The following GALNT10 variants were observed in gnomAD, a reference collection of about 807,000 sequenced individuals.
GALNT10 encodes polypeptide N-acetylgalactosaminyltransferase 10.
A neutral mutation model predicts 75.0 loss-of-function variants in GALNT10; 41 were observed. The ratio of observed to expected loss-of-function variants is 0.55; its 90% confidence interval spans 0.43 to 0.71. GALNT10 has a LOEUF of 0.71. Among genes scored for constraint, GALNT10 ranks in the 30% least tolerant of loss-of-function variants. GALNT10 has a pLI of 0.00. For synonymous variants in GALNT10, 302 were observed against 313.0 expected (o/e 0.96, Z 0.37); for missense variants, 727 against 818.5 (o/e 0.89, Z 1.36).
intron 1 of GALNT10, among the ~76,000 whole-genome samples, chr5:154,269,062 T>C (rs1282430869): frequency 1.1e-5 from 1 of 89,744 alleles, no homozygotes; most frequent in East Asian, 2.4e-4. Flanking sequence ...CTCAGCTCAC[T>C]GCAATCTCCA....
intron 4 of GALNT10, among the ~76,000 whole-genome samples, chr5:154,367,509 C>A (rs965963141): frequency 6.6e-6 from 1 of 152,122 alleles, no homozygotes; most frequent in African/African-American, 2.4e-5. Context: ...AGCACCCACC[C>A]GCTCGCAGGT....
chr5:154,264,901 C>T (rs1439765256), intron 1 of GALNT10, among the ~76,000 whole-genome samples: 1 of 152,198 alleles, frequency 6.6e-6, no homozygotes, highest in East Asian at 1.9e-4. Flanking sequence ...TTCATGCCAA[C>T]TGTCAAAAGA....
chr5:154,351,650 A>C (rs7733050), intron 4 of GALNT10, among the ~76,000 whole-genome samples: 31,959 of 152,034 alleles, frequency 0.21, 4,244 homozygotes, highest in African/African-American at 0.38. Context: ...CACAGTCCAG[A>C]TTGACTTTGC....
chr5:154,202,117 G>C (rs939266037), intron 1 of GALNT10, among the ~76,000 whole-genome samples: 3 of 152,170 alleles, frequency 2.0e-5, no homozygotes, highest in African/African-American at 7.2e-5. Flanking sequence ...TCCCTGGTCT[G>C]AGGGGACCTC....
At chr5:154,309,607 G>A (rs549117129) in intron 3 of GALNT10, among the ~76,000 whole-genome samples, 3 of 152,238 alleles carry the variant, frequency 2.0e-5, no homozygotes, top group East Asian at 3.9e-4. Flanking sequence ...TGGAGATGGA[G>A]GTGCCAGGAT....
intron 4 of GALNT10, chr5:154,329,971 A>AAAC (rs1554098973): frequency 4.9e-5 from 18 of 366,904 alleles, no homozygotes; most frequent in African/African-American, 3.1e-4. Flanking sequence ...CAAAAAAAAA[A>AAAC]AAAAAACAGA....
At chr5:154,347,514 C>T (rs1458071058) in intron 4 of GALNT10, among the ~76,000 whole-genome samples, 1 of 151,884 alleles carries the variant, frequency 6.6e-6, no homozygotes, top group Non-Finnish European at 1.5e-5. Context: ...AGGCATGCAC[C>T]ACCACACCCA....
At chr5:154,241,457 A>G (rs551951979) in intron 1 of GALNT10, among the ~76,000 whole-genome samples, 1 of 152,236 alleles carries the variant, frequency 6.6e-6, no homozygotes, top group Non-Finnish European at 1.5e-5. Context: ...GTTGCATTGC[A>G]TATATCTGTT....
At position 154,297,979 on chromosome 5, in the gene GALNT10, G is replaced by C. The variant is rs759683121; in HGVS notation, c.301G>C (p.Ala101Pro). Reference sequence around the variant, plus strand: ...AGGAAGACCTTACCCCATGACCGATGCTGAGAGAGTGGATCAGGCATACCG... The same window carrying C: ...AGGAAGACCTTACCCCATGACCGATCCTGAGAGAGTGGATCAGGCATACCG... ...EQGRPYPMTDAERVDQAYREN... is the reference protein window; with the variant it reads ...EQGRPYPMTDPERVDQAYREN... Residue 101 changes from alanine (A) to proline (P), a missense_variant, in exon 3 of 12, where the codon GCT (alanine) becomes CCT (proline). Coordinates refer to ENST00000297107, the MANE Select transcript of GALNT10 (RefSeq NM_198321.4). 2.5e-6 allele frequency: 4 copies of C among 1,613,830 alleles called. No individual in the cohort carries two copies. The East Asian group carries it at 8.9e-5, about 36-fold the overall frequency.
At chr5:154,334,420 T>G (rs1006036421) in intron 4 of GALNT10, among the ~76,000 whole-genome samples, 1 of 152,230 alleles carries the variant, frequency 6.6e-6, no homozygotes, top group Non-Finnish European at 1.5e-5. Context: ...TTTTTGCACA[T>G]GTGGAAGGGA....
In GALNT10 at chr5:154,410,392, A is replaced by AG. The variant is rs202150113; in HGVS notation, c.1386+630_1386+631insG. On this transcript the variant is annotated intron_variant, in intron 9 of 11. Transcript: ENST00000297107. ...CCTGTCTCTACAAAAAAAAAAAAAA[A>AG]AAAGAAAAAATTAGCCAGGCGTAAT... 9.3e-3 allele frequency among the ~76,000 whole-genome samples: 1,405 copies of AG among 151,584 alleles called. 18 individuals carry two copies. The highest frequency in any genetic ancestry group is 0.012 in the Non-Finnish European group (784 of 67,888).
Position 154,208,726 on chromosome 5 carries a change from C to T in GALNT10, c.159+17701C>T, listed in dbSNP as rs111715927. Reference sequence around the variant, plus strand: ...GTTCAGTCAGGACAGAGAAACCACACAGTGATTTGAACACAGGAAGTTTAA... The same window carrying T: ...GTTCAGTCAGGACAGAGAAACCACATAGTGATTTGAACACAGGAAGTTTAA... On this transcript the variant is annotated intron_variant, in intron 1 of 11. Coordinates refer to ENST00000297107, the MANE Select transcript of GALNT10 (RefSeq NM_198321.4). Among the ~76,000 whole-genome samples, 1,190 of 152,200 alleles carry T rather than the reference C, an allele frequency of 7.8e-3. 22 individuals carry two copies. The highest frequency in any genetic ancestry group is 0.027 in the African/African-American group (1,122 of 41,518).
chr5:154,305,414 AG>A (rs1222892428), intron 3 of GALNT10, among the ~76,000 whole-genome samples: 1 of 152,216 alleles, frequency 6.6e-6, no homozygotes, highest in African/African-American at 2.4e-5. Flanking sequence ...TAAAAGGTGG[AG>A]ATTGTCAGAT....
At chr5:154,288,408 TTGTGTGTGTGTGTG>T (rs10534031) in intron 1 of GALNT10, among the ~76,000 whole-genome samples, 8 of 122,550 alleles carry the variant, frequency 6.5e-5, no homozygotes, top group African/African-American at 2.1e-4. Context: ...AAAATTCCAT[TTGTGTGTGTGTGTG>T]TGTGTGTGTG....
At chr5:154,269,974 C>T (rs1429511845) in intron 1 of GALNT10, among the ~76,000 whole-genome samples, 1 of 151,240 alleles carries the variant, frequency 6.6e-6, no homozygotes, top group Admixed American at 6.6e-5. Flanking sequence ...GGATACTGAG[C>T]CCCACAACCT....
At chr5:154,194,625 TC>T (rs1343695585) in intron 1 of GALNT10, among the ~76,000 whole-genome samples, 4 of 152,196 alleles carry the variant, frequency 2.6e-5, no homozygotes, top group Non-Finnish European at 5.9e-5. Flanking sequence ...CTGTGTGTCC[TC>T]AGGAAAGAGG....
chr5:154,269,429 C>G (rs1371793882), intron 1 of GALNT10, among the ~76,000 whole-genome samples: 2 of 152,176 alleles, frequency 1.3e-5, no homozygotes, highest in African/African-American at 4.8e-5. Context: ...AAAGCAGAAT[C>G]TATAATATAC....
intron 7 of GALNT10, among the ~76,000 whole-genome samples, chr5:154,394,724 G>GC (rs1755981071): frequency 6.6e-6 from 1 of 152,164 alleles, no homozygotes; most frequent in African/African-American, 2.4e-5. Flanking sequence ...GATATCCAGG[G>GC]CCACCATCAG....
chr5:154,224,413 C>T (rs1003163890), intron 1 of GALNT10, among the ~76,000 whole-genome samples: 1 of 152,224 alleles, frequency 6.6e-6, no homozygotes, highest in African/African-American at 2.4e-5. Flanking sequence ...CTTCCTCCTT[C>T]TTCCTCGTCC....
Sources: gnomAD v4.1 joint callset for allele counts (sites outside exome capture counted in the v4.1 genomes callset) on GRCh38, gnomAD v4.1.1 for gene constraint, MANE v1.5 for transcripts, NCBI Gene and HGNC (gene_info 2026-07-23, HGNC 2026-07-21) for gene names.